The following CNPY4 variants were observed in gnomAD, a reference collection of about 807,000 sequenced individuals.
CNPY4 encodes protein canopy homolog 4.
A neutral mutation model predicts 30.1 loss-of-function variants in CNPY4; 33 were observed. That is an observed-to-expected ratio of 1.10 (90% CI 0.83 to 1.46). The LOEUF is 1.46. Among genes scored for constraint, CNPY4 ranks in the 40% most tolerant of loss-of-function variants. The probability of loss-of-function intolerance (pLI) is 0.00; values close to 1 mark genes in which losing one functional copy is unlikely to be tolerated. For synonymous variants in CNPY4, 109 were observed against 110.1 expected (o/e 0.99, Z 0.06); for missense variants, 324 against 302.6 (o/e 1.07, Z -0.52).
chr7:100,124,887 G>C lies in CNPY4; in HGVS notation c.746G>C (p.Ter249SerextTer17), dbSNP rs1798173477. The change falls in exon 6 of 6, where the codon TGA becomes TCA. Residue 249 changes from the stop codon to serine, a stop_lost. Transcript: ENST00000262932. ...CCCAAACTTGACCGAGAAGATCTTT[G>C]ACCCTTGCCTTTGAGCCCCCAGGAG... ...SHPKLDREDL[*>S] 1 of 1,585,748 alleles carries C rather than the reference G, an allele frequency of 6.3e-7. No homozygotes were observed.
rs1459642734 is a variant in CNPY4 at position 100,119,643 on chromosome 7, C to T, written c.-102C>T. ...CTGCGCATGCGCCGACCTTCCTCGG[C>T]TGGATTTAAGGTTGCCGCTAGCCGC... On this transcript the variant is annotated 5_prime_UTR_variant, in exon 1 of 6. Transcript: ENST00000262932. 4 of 1,604,048 alleles carry T rather than the reference C, an allele frequency of 2.5e-6. No homozygotes were observed. Among genetic ancestry groups the T allele is most frequent in the African/African-American group, 1.3e-5 (1 of 74,400 alleles).
At position 100,122,556 on chromosome 7, in the gene CNPY4, G is replaced by A; in HGVS notation, c.321G>A (p.Lys107=). The A allele has an allele frequency of 3.1e-6, 5 of 1,611,478 alleles. No individual in the cohort carries two copies. Among genetic ancestry groups the A allele is most frequent in the Admixed American group, 1.7e-5 (1 of 59,732 alleles). The change falls in exon 3 of 6, where the codon AAG becomes AAA. Residue 107 remains lysine (K), a synonymous_variant. Coordinates refer to ENST00000262932, the MANE Select transcript of CNPY4 (RefSeq NM_152755.2). ...ACTATAGTGTTCACGCTGAGCGCAAGGGCTCACTGAGATATGCCAAGGTCA... is the reference window on the plus strand; with the variant it reads ...ACTATAGTGTTCACGCTGAGCGCAAAGGCTCACTGAGATATGCCAAGGTCA... The part of the protein sequence containing the change: ...ILDYSVHAER[K]GSLRYAKGQS...
chr7:100,119,655 T>G lies in CNPY4; in HGVS notation c.-90T>G. 2 of 1,610,436 alleles carry G rather than the reference T, an allele frequency of 1.2e-6. No homozygotes were observed. The highest frequency in any genetic ancestry group is 1.7e-6 in the Non-Finnish European group (2 of 1,178,466). ...CGACCTTCCTCGGCTGGATTTAAGG[T>G]TGCCGCTAGCCGCCTGGGAATTTAA... On this transcript the variant is annotated 5_prime_UTR_variant, in exon 1 of 6. Transcript: ENST00000262932.
chr7:100,125,300 C>T lies in CNPY4; in HGVS notation c.*412C>T, dbSNP rs1387041000. 1 of 173,100 alleles carries T rather than the reference C, an allele frequency of 5.8e-6. No individual in the cohort carries two copies. Among genetic ancestry groups the T allele is most frequent in the African/African-American group, 2.4e-5 (1 of 41,710 alleles). 10.7% of individuals were successfully genotyped at this position (173,100 alleles called of 1,614,324 possible). A position where few individuals can be genotyped will look rare whatever the true frequency, so the allele number is the denominator to read the frequency against. The stretch of plus-strand genomic sequence containing the variant: ...GGCCAGAACGGACATTCTCTGCGAT[C>T]TATATACATTGCCTGTATCCAGGAG... On this transcript the variant is annotated 3_prime_UTR_variant, in exon 6 of 6. Transcript: ENST00000262932.
chr7:100,122,204 A>C, intron 1 of CNPY4, 55 bp from the exon 2 acceptor site: 1 of 1,606,714 alleles, frequency 6.2e-7, no homozygotes, highest in Non-Finnish European at 8.5e-7. Flanking sequence ...CTGCAGAATG[A>C]ATGGCTGGTG....
chr7:100,122,545 G>T lies in CNPY4; in HGVS notation c.310G>T (p.Ala104Ser), dbSNP rs751483119. The change falls in exon 3 of 6, where the codon GCT (alanine) becomes TCT (serine). Residue 104 changes from alanine (A) to serine (S), a missense_variant. Physicochemically the swap from Ala to Ser is moderately conservative, Grantham distance 99 (BLOSUM62 1). Coordinates refer to ENST00000262932, the MANE Select transcript of CNPY4 (RefSeq NM_152755.2). ...CERILDYSVH[A>S]ERKGSLRYAK... Reference sequence around the variant, plus strand: ...GCGGATCCTGGACTATAGTGTTCACGCTGAGCGCAAGGGCTCACTGAGATA... The same window carrying T: ...GCGGATCCTGGACTATAGTGTTCACTCTGAGCGCAAGGGCTCACTGAGATA... 2 of 1,613,076 alleles carry T rather than the reference G, an allele frequency of 1.2e-6. No individual in the cohort carries two copies. Among genetic ancestry groups the T allele is most frequent in the Admixed American group, 3.3e-5 (2 of 59,894 alleles).
At chr7:100,120,058 G>T in intron 1 of CNPY4, 196 bp downstream of exon 1, 1 of 485,932 alleles carries the variant, frequency 2.1e-6, no homozygotes, top group Non-Finnish European at 3.6e-6. Flanking sequence ...TCCAGAGAGA[G>T]CCTGCATTTT....
intron 1 of CNPY4, chr7:100,120,190 A>G: frequency 5.0e-6 from 1 of 201,526 alleles, no homozygotes; most frequent in South Asian, 1.0e-4. Flanking sequence ...ATGTCACCAG[A>G]CCTTAATCTG....
chr7:100,119,664 G>T lies in CNPY4; in HGVS notation c.-81G>T, dbSNP rs1292648412. The T allele has an allele frequency of 1.2e-6, 2 of 1,611,582 alleles. No individual in the cohort carries two copies. Among genetic ancestry groups the T allele is most frequent in the East Asian group, 4.5e-5 (2 of 44,628 alleles). On this transcript the variant is annotated 5_prime_UTR_variant, in exon 1 of 6. Coordinates refer to ENST00000262932, the MANE Select transcript of CNPY4 (RefSeq NM_152755.2). Reference sequence around the variant, plus strand: ...TCGGCTGGATTTAAGGTTGCCGCTAGCCGCCTGGGAATTTAAGGGACCCAC... The same window carrying T: ...TCGGCTGGATTTAAGGTTGCCGCTATCCGCCTGGGAATTTAAGGGACCCAC...
chr7:100,119,690 A>T lies in CNPY4; in HGVS notation c.-55A>T. The T allele has an allele frequency of 6.2e-7, 1 of 1,613,694 alleles. No homozygotes were observed. Among genetic ancestry groups the T allele is most frequent in the Non-Finnish European group, 8.5e-7 (1 of 1,179,838 alleles). On this transcript the variant is annotated 5_prime_UTR_variant, in exon 1 of 6. Coordinates refer to ENST00000262932, the MANE Select transcript of CNPY4 (RefSeq NM_152755.2). Reference sequence around the variant, plus strand: ...CCGCCTGGGAATTTAAGGGACCCACACTACCTTCCCGAAGTTGAAGGCAAG... The same window carrying T: ...CCGCCTGGGAATTTAAGGGACCCACTCTACCTTCCCGAAGTTGAAGGCAAG...
Position 100,124,566 on chromosome 7 carries a change from A to G in CNPY4, c.518A>G (p.His173Arg), listed in dbSNP as rs1354051687. Residue 173 changes from histidine to arginine, a missense_variant, in exon 5 of 6, where the codon CAC becomes CGC. Transcript: ENST00000262932. ...FEDIVGDWYF[H>R]HQEQPLQNFL... ...GACATTGTGGGAGACTGGTACTTCCACCATCAGGAGCAGCCCCTACAAAAT... is the reference window on the plus strand; with the variant it reads ...GACATTGTGGGAGACTGGTACTTCCGCCATCAGGAGCAGCCCCTACAAAAT... The G allele has an allele frequency of 6.2e-7, 1 of 1,612,882 alleles. No homozygotes were observed. The highest frequency in any genetic ancestry group is 1.3e-5 in the African/African-American group (1 of 74,430).
At position 100,119,706 on chromosome 7, in the gene CNPY4, T is replaced by C; in HGVS notation, c.-39T>C. On this transcript the variant is annotated 5_prime_UTR_variant, in exon 1 of 6. Coordinates refer to ENST00000262932, the MANE Select transcript of CNPY4 (RefSeq NM_152755.2). ...GGGACCCACACTACCTTCCCGAAGT[T>C]GAAGGCAAGCGGTGATTGTTTGTAG... 2.5e-6 allele frequency: 4 copies of C among 1,613,912 alleles called. No homozygotes were observed. The highest frequency in any genetic ancestry group is 3.4e-6 in the Non-Finnish European group (4 of 1,179,924).
rs569894477 is a variant in CNPY4, at chr7:100,122,764, C to T, written c.343-20C>T. 6.8e-6 allele frequency: 11 copies of T among 1,606,858 alleles called. No homozygotes were observed. In the South Asian group the frequency reaches 1.2e-4, roughly 18 times the overall value. Reference sequence around the variant, plus strand: ...GGTGGGGTGGTGAGCTGGGCTGATGCCAAATTCTTAATCTCTCAGGGTCAG... The same window carrying T: ...GGTGGGGTGGTGAGCTGGGCTGATGTCAAATTCTTAATCTCTCAGGGTCAG... On this transcript the variant is annotated intron_variant, in intron 3 of 5. Coordinates refer to ENST00000262932, the MANE Select transcript of CNPY4 (RefSeq NM_152755.2).
Position 100,124,858 on chromosome 7 carries a change from C to A in CNPY4, c.717C>A (p.Ser239Arg), listed in dbSNP as rs754618003. Residue 239 changes from serine (S) to arginine (R), a missense_variant, in exon 6 of 6, where the codon AGC becomes AGA. Transcript: ENST00000262932. ...EGGDKMTKTG[S>R]HPKLDREDL is the part of the protein sequence containing the mutation. ...GAGACAAGATGACCAAGACAGGAAG[C>A]CACCCCAAACTTGACCGAGAAGATC... 5.4e-5 allele frequency: 87 copies of A among 1,605,012 alleles called. No individual in the cohort carries two copies. Among genetic ancestry groups the A allele is most frequent in the Non-Finnish European group, 5.2e-5 (61 of 1,175,434 alleles).
At chr7:100,119,932 G>T (rs1481277037) in intron 1 of CNPY4, 70 bp downstream of exon 1, 3 of 1,422,880 alleles carry the variant, frequency 2.1e-6, no homozygotes, top group Non-Finnish European at 2.9e-6. Flanking sequence ...GGACATCCTA[G>T]CCTGTATTGG....
In CNPY4 at chr7:100,122,581, A is replaced by G; in HGVS notation, c.342+4A>G. On this transcript the variant is annotated splice_donor_region_variant and intron_variant, in intron 3 of 5. Coordinates refer to ENST00000262932, the MANE Select transcript of CNPY4 (RefSeq NM_152755.2). ...GGGCTCACTGAGATATGCCAAGGTCAGACCCTTCCCCAGGGCAGGACCCCA... is the reference window on the plus strand; with the variant it reads ...GGGCTCACTGAGATATGCCAAGGTCGGACCCTTCCCCAGGGCAGGACCCCA... 6.3e-7 allele frequency: 1 copy of G among 1,599,386 alleles called. No individual in the cohort carries two copies. Among genetic ancestry groups the G allele is most frequent in the Non-Finnish European group, 8.5e-7 (1 of 1,171,290 alleles).
Position 100,119,714 on chromosome 7 carries a change from A to AG in CNPY4, c.-30dup. ...CACTACCTTCCCGAAGTTGAAGGCA[A>AG]GCGGTGATTGTTTGTAGACGGCGCT... is the stretch of plus-strand genomic sequence containing the variant. On this transcript the variant is annotated 5_prime_UTR_variant, in exon 1 of 6. Transcript: ENST00000262932. The AG allele has an allele frequency of 6.2e-7, 1 of 1,614,038 alleles. No homozygotes were observed. The highest frequency in any genetic ancestry group is 8.5e-7 in the Non-Finnish European group (1 of 1,179,970).
chr7:100,121,725 C>T (rs2116893661), intron 1 of CNPY4, among the ~76,000 whole-genome samples: 1 of 151,792 alleles, frequency 6.6e-6, no homozygotes, highest in South Asian at 2.1e-4. Context: ...CAGGTGTGAG[C>T]CACCACTCCT....
rs768980866 is a variant in CNPY4, at chr7:100,124,880, G to T, written c.739G>T (p.Asp247Tyr). ...TGSHPKLDREDL is the reference protein window; with the variant it reads ...TGSHPKLDREYL ...AAGCCACCCCAAACTTGACCGAGAA[G>T]ATCTTTGACCCTTGCCTTTGAGCCC... The change falls in exon 6 of 6, where the codon GAT (aspartate) becomes TAT (tyrosine). Residue 247 changes from aspartate (D) to tyrosine (Y), a missense_variant. Transcript: ENST00000262932. 6.3e-7 allele frequency: 1 copy of T among 1,595,296 alleles called. No homozygotes were observed. Among genetic ancestry groups the T allele is most frequent in the Non-Finnish European group, 8.5e-7 (1 of 1,170,772 alleles).
Sources: allele counts gnomAD v4.1 joint callset (sites outside exome capture counted in the v4.1 genomes callset), GRCh38; gene constraint gnomAD v4.1.1; transcripts MANE v1.5; gene names NCBI Gene and HGNC (gene_info 2026-07-23, HGNC 2026-07-21).